PIK3C2A: variants seen among roughly 807,000 people sequenced by gnomAD.
PIK3C2A encodes the protein phosphatidylinositol 4-phosphate 3-kinase C2 domain-containing subunit alpha.
Under a neutral mutation model 204.5 loss-of-function variants are expected in PIK3C2A, and 97 were observed. That is an observed-to-expected ratio of 0.47 (90% confidence interval 0.40 to 0.56). The LOEUF is 0.56. Among genes scored for constraint, PIK3C2A ranks in the 20% least tolerant of loss-of-function variants. PIK3C2A has a pLI of 0.00. For missense variants in PIK3C2A, 1,735 were observed against 1,969.2 expected, an observed-to-expected ratio of 0.88 and a Z score of 2.25; for synonymous variants, 653 against 664.4, an observed-to-expected ratio of 0.98 and a Z score of 0.26.
In PIK3C2A at chr11:17,197,848, A is replaced by C. The variant is rs150691684; in HGVS notation, c.-66+10000T>G. The stretch of plus-strand genomic sequence containing the variant: ...AATGTTATGGTATATACCTGCATTT[A>C]ACATGGCTTAAGGTAGAAAAAAGAT... On this transcript the variant is annotated intron_variant, in intron 1 of 32. Coordinates refer to ENST00000691414, the MANE Select transcript of PIK3C2A (RefSeq NM_002645.4). 6.2e-3 allele frequency among the ~76,000 whole-genome samples: 942 copies of C among 152,332 alleles called. 8 individuals carry two copies. Among genetic ancestry groups the C allele is most frequent in the African/African-American group, 0.021 (887 of 41,576 alleles).
In PIK3C2A at chr11:17,132,328, T is replaced by TAA. The variant is rs1849723920; in HGVS notation, c.2109-291_2109-290insTT. On this transcript the variant is annotated intron_variant, in intron 11 of 32. Coordinates refer to ENST00000691414, the MANE Select transcript of PIK3C2A (RefSeq NM_002645.4). ...TAATTAACTTTAATTTTTTTTTTTT[T>TAA]TTTTTTTTTTTTGAGACGGAGTCTC... Among the ~76,000 whole-genome samples, 51 of 141,072 alleles carry TAA rather than the reference T, an allele frequency of 3.6e-4. 1 individual carries two copies. In the South Asian group the frequency reaches 0.012, roughly 32 times the overall value. 92.5% of individuals were successfully genotyped at this position (141,072 alleles called of 152,430 possible). A position where few individuals can be genotyped will look rare whatever the true frequency, so the allele number is the denominator to read the frequency against.
chr11:17,130,943 T>G (rs1849674005), intron 12 of PIK3C2A, among the ~76,000 whole-genome samples: 1 of 151,996 alleles, frequency 6.6e-6, no homozygotes, highest in Non-Finnish European at 1.5e-5. Context: ...TCCCAGCACT[T>G]TGGGAGGCCG....
chr11:17,145,597 C>T (rs938807063), intron 8 of PIK3C2A, 71 bp downstream of exon 8: 2 of 855,290 alleles, frequency 2.3e-6, no homozygotes, highest in Non-Finnish European at 3.9e-6. Flanking sequence ...CCAATGCCAA[C>T]ACTACCATTT....
In PIK3C2A at chr11:17,169,483, C is replaced by T. The variant is rs1387047279; in HGVS notation, c.259G>A (p.Ala87Thr). The part of the protein sequence containing the change: ...VFPESDSQKR[A>T]LDIDVEKLTQ... ...AGCTTTTCTACATCAATATCTAATG[C>T]TCTTTTTTGGGAATCTGATTCAGGA... The change falls in exon 2 of 33, where the codon GCA becomes ACA. Residue 87 changes from alanine (A) to threonine (T), a missense_variant. Physicochemically the swap from Ala to Thr is moderately conservative, Grantham distance 58. This residue lies in a region of PIK3C2A where 536 missense variants were observed against 546.7 expected (regional missense o/e 0.98). Transcript: ENST00000691414. The T allele has an allele frequency of 1.2e-5, 19 of 1,613,964 alleles. No homozygotes were observed. Among genetic ancestry groups the T allele is most frequent in the Non-Finnish European group, 1.4e-5 (17 of 1,179,930 alleles).
At position 17,129,384 on chromosome 11, in the gene PIK3C2A, C is replaced by A; in HGVS notation, c.2315G>T (p.Ser772Ile). 1 of 1,612,274 alleles carries A rather than the reference C, an allele frequency of 6.2e-7. No individual in the cohort carries two copies. The highest frequency in any genetic ancestry group is 8.5e-7 in the Non-Finnish European group (1 of 1,178,332). Reference protein sequence around the residue: ...LTLFGILNQSSGSSPDSNKQR... With the variant: ...LTLFGILNQSIGSSPDSNKQR... ...CTTATTAGAATCAGGGGAACTTCCA[C>A]TGCTCTGATTTAAAATTCCAAAAAG... Residue 772 changes from serine to isoleucine, a missense_variant, in exon 13 of 33, where the codon AGT (serine) becomes ATT (isoleucine). Ser to Ile is a moderately radical substitution (Grantham distance 142). Coordinates refer to ENST00000691414, the MANE Select transcript of PIK3C2A (RefSeq NM_002645.4).
At chr11:17,117,904 G>T (rs536394036) in intron 18 of PIK3C2A, among the ~76,000 whole-genome samples, 1 of 151,332 alleles carries the variant, frequency 6.6e-6, no homozygotes, top group African/African-American at 2.4e-5. Context: ...TAGTAGAGAT[G>T]GGGTTTCACT....
chr11:17,097,283 A>T lies in PIK3C2A; in HGVS notation c.4119-19T>A. 6.6e-7 allele frequency: 1 copy of T among 1,511,294 alleles called. No individual in the cohort carries two copies. Among genetic ancestry groups the T allele is most frequent in the Middle Eastern group, 1.7e-4 (1 of 5,836 alleles). The allele number at this position is 1,511,294 out of a possible 1,614,324, so 93.6% of individuals were successfully genotyped here. The stretch of plus-strand genomic sequence containing the variant: ...AATAAGCCTACAAAATAATCAGAAA[A>T]TTCGTTAACAGTAAATGAGAACACA... On this transcript the variant is annotated intron_variant, in intron 26 of 32. Transcript: ENST00000691414.
At chr11:17,149,059 C>T (rs545427052) in intron 4 of PIK3C2A, among the ~76,000 whole-genome samples, 33 of 152,050 alleles carry the variant, frequency 2.2e-4, no homozygotes, top group Non-Finnish European at 4.4e-4. Context: ...AATCTTGGAA[C>T]AAAAATACTT....
chr11:17,088,282 CTT>C lies in PIK3C2A; in HGVS notation c.*1454_*1455del, dbSNP rs1201226750. On this transcript the variant is annotated 3_prime_UTR_variant, in exon 33 of 33. Transcript: ENST00000691414. The stretch of plus-strand genomic sequence containing the variant: ...TTTTTTTTTAAGATGGAGTTTTGCT[CTT>C]GTCACCCAGGCGGGAGTGCAGTGGC... 1.4e-4 allele frequency: 22 copies of C among 152,120 alleles called. No homozygotes were observed. Among genetic ancestry groups the C allele is most frequent in the African/African-American group, 5.3e-4 (22 of 41,504 alleles). The allele number at this position is 152,120 out of a possible 1,614,324, so 9.4% of individuals were successfully genotyped here.
At chr11:17,090,755 T>G (rs77476416) in intron 32 of PIK3C2A, among the ~76,000 whole-genome samples, 17 of 152,062 alleles carry the variant, frequency 1.1e-4, no homozygotes, top group Admixed American at 6.6e-5. Context: ...TTTTTTTTTT[T>G]GGGACAGGGT....
At chr11:17,091,745 A>C (rs1165723857) in intron 30 of PIK3C2A, 89 bp from the exon 31 acceptor site, 7 of 870,048 alleles carry the variant, frequency 8.0e-6, no homozygotes, top group Non-Finnish European at 1.3e-5. Context: ...CAAGACTGTC[A>C]CATGTGGTGC....
intron 2 of PIK3C2A, among the ~76,000 whole-genome samples, chr11:17,161,929 G>C (rs776313949): frequency 3.3e-5 from 5 of 152,174 alleles, no homozygotes; most frequent in Non-Finnish European, 7.3e-5. Context: ...CCTATTACCA[G>C]TGTTCAGTTT....
chr11:17,165,023 A>C (rs927029536), intron 2 of PIK3C2A, among the ~76,000 whole-genome samples: 2 of 152,176 alleles, frequency 1.3e-5, no homozygotes, highest in African/African-American at 4.8e-5. Flanking sequence ...GGTGGAGAAC[A>C]CATGTGTTGA....
At position 17,168,879 on chromosome 11, in the gene PIK3C2A, T is replaced by C; in HGVS notation, c.863A>G (p.Asp288Gly). The change falls in exon 2 of 33, where the codon GAC becomes GGC. Residue 288 changes from aspartate to glycine, a missense_variant. This residue lies in a region of PIK3C2A where 536 missense variants were observed against 546.7 expected (regional missense o/e 0.98). Transcript: ENST00000691414. ...KPKVDNVEVL[D>G]HEEEKNVSSL... is the part of the protein sequence containing the mutation. ...TGAAACATTTTTCTCTTCCTCATGG[T>C]CTAATACCTCCACATTATCCACCTT... The C allele has an allele frequency of 6.2e-7, 1 of 1,614,176 alleles. No homozygotes were observed. Among genetic ancestry groups the C allele is most frequent in the Non-Finnish European group, 8.5e-7 (1 of 1,180,032 alleles).
chr11:17,103,125 G>C (rs1848696339), intron 23 of PIK3C2A, among the ~76,000 whole-genome samples: 1 of 151,470 alleles, frequency 6.6e-6, no homozygotes, highest in African/African-American at 2.4e-5. Flanking sequence ...TAAGCGTCAT[G>C]TTTGTGGAAT....
At chr11:17,192,638 GGTTTCACCAT>G (rs1851981526) in intron 1 of PIK3C2A, among the ~76,000 whole-genome samples, 1 of 152,030 alleles carries the variant, frequency 6.6e-6, no homozygotes, top group Non-Finnish European at 1.5e-5. Flanking sequence ...GTAGAGATGG[GGTTTCACCAT>G]GTTAGCCAGG....
In PIK3C2A at chr11:17,097,011, CAAT is replaced by C. The variant is rs373027794; in HGVS notation, c.4326+43_4326+45del. 22 of 1,139,512 alleles carry C rather than the reference CAAT, an allele frequency of 1.9e-5. No homozygotes were observed. In the African/African-American group the frequency reaches 2.6e-4, roughly 13 times the overall value. The allele number at this position is 1,139,512 out of a possible 1,614,324, so 70.6% of individuals were successfully genotyped here. ...TCAGCAAAGGAAGTAGAAAGGACAA[CAAT>C]AATACATGCATGATTGTTTATGAAT... On this transcript the variant is annotated intron_variant, in intron 27 of 32. Coordinates refer to ENST00000691414, the MANE Select transcript of PIK3C2A (RefSeq NM_002645.4).
In PIK3C2A at chr11:17,169,072, C is replaced by T. The variant is rs1413964074; in HGVS notation, c.670G>A (p.Ala224Thr). The T allele has an allele frequency of 6.2e-7, 1 of 1,614,060 alleles. No homozygotes were observed. Among genetic ancestry groups the T allele is most frequent in the South Asian group, 1.1e-5 (1 of 91,072 alleles). Residue 224 changes from alanine (A) to threonine (T), a missense_variant, in exon 2 of 33, where the codon GCA (alanine) becomes ACA (threonine). By Grantham distance (58) the Ala-to-Thr change is moderately conservative (BLOSUM62 0). Transcript: ENST00000691414. ...IYRPVVSTDM[A>T]KLFDKIASTS... is the part of the protein sequence containing the mutation. Reference sequence around the variant, plus strand: ...CTAGCTATTTTGTCAAATAGTTTTGCCATGTCAGTACTGACTACTGGACGA... The same window carrying T: ...CTAGCTATTTTGTCAAATAGTTTTGTCATGTCAGTACTGACTACTGGACGA...
intron 1 of PIK3C2A, among the ~76,000 whole-genome samples, chr11:17,192,549 T>G (rs1460593633): frequency 6.6e-6 from 1 of 152,166 alleles, no homozygotes; most frequent in Admixed American, 6.5e-5. Flanking sequence ...CAGGTTCAAG[T>G]GATTCTCATG....
Sources: gnomAD v4.1 joint callset for allele counts (sites outside exome capture counted in the v4.1 genomes callset) on GRCh38, gnomAD v4.1.1 for gene constraint, gnomAD v4.1.1 regional missense constraint, MANE v1.5 for transcripts, NCBI Gene and HGNC (gene_info 2026-07-23, HGNC 2026-07-21) for gene names.